ASTN1: variants seen among roughly 807,000 people sequenced by gnomAD.
The protein encoded by ASTN1 is astrotactin-1.
In ASTN1, 41 loss-of-function variants were observed where a neutral mutation model predicts 140.7. The observed-to-expected ratio is 0.29, with a 90% CI of 0.23 to 0.38. The LOEUF is 0.38. Among genes scored for constraint, ASTN1 ranks in the 10% least tolerant of loss-of-function variants. ASTN1 has a pLI of 1.00. For missense variants in ASTN1, 1,479 were observed against 1,678.8 expected, an observed-to-expected ratio of 0.88 and a Z score of 2.08; for synonymous variants, 640 against 652.2, an observed-to-expected ratio of 0.98 and a Z score of 0.29.
At chr1:176,912,196 T>C (rs1670272732) in intron 16 of ASTN1, among the ~76,000 whole-genome samples, 1 of 152,230 alleles carries the variant, frequency 6.6e-6, no homozygotes, top group Non-Finnish European at 1.5e-5. Context: ...CTACCATCTA[T>C]GGTGGAAGTC....
intron 20 of ASTN1, among the ~76,000 whole-genome samples, chr1:176,880,102 A>G (rs74332366): frequency 0.019 from 2,958 of 152,282 alleles, 94 homozygotes; most frequent in African/African-American, 0.067. Flanking sequence ...TAGTATATTT[A>G]CTGCTTTGTC....
rs533270307 is a variant in ASTN1, at chr1:176,978,219, G to A, written c.1524-12982C>T. Among the ~76,000 whole-genome samples, 55 of 152,204 alleles carry A rather than the reference G, an allele frequency of 3.6e-4. 2 individuals are homozygous for A. The South Asian group carries it at 0.011, about 31-fold the overall frequency. On this transcript the variant is annotated intron_variant, in intron 8 of 22. Coordinates refer to ENST00000361833, the MANE Select transcript of ASTN1 (RefSeq NM_004319.3). ...CTGAAATGTGGGATACACAGGGATG[G>A]AAAAAATAAATTAAAGCCATAACAT... is the stretch of plus-strand genomic sequence containing the variant.
At chr1:176,907,649 T>C (rs1216034039) in intron 16 of ASTN1, among the ~76,000 whole-genome samples, 4 of 152,208 alleles carry the variant, frequency 2.6e-5, no homozygotes, top group Non-Finnish European at 5.9e-5. Flanking sequence ...GTTCACCTTC[T>C]TGTCAAGAAG....
chr1:176,983,581 C>A (rs954374140), intron 8 of ASTN1, among the ~76,000 whole-genome samples: 2 of 152,126 alleles, frequency 1.3e-5, no homozygotes, highest in African/African-American at 4.8e-5. Context: ...ACTCACTTCC[C>A]TTATCTTTCC....
intron 16 of ASTN1, among the ~76,000 whole-genome samples, chr1:176,925,674 A>G (rs934589591): frequency 1.1e-4 from 16 of 152,044 alleles, no homozygotes; most frequent in African/African-American, 3.6e-4. Flanking sequence ...TTTACCTTAG[A>G]CCAGTTTCCT....
chr1:177,120,059 C>T (rs1011136519), intron 1 of ASTN1, among the ~76,000 whole-genome samples: 4 of 152,144 alleles, frequency 2.6e-5, no homozygotes, highest in Non-Finnish European at 5.9e-5. Flanking sequence ...TAATGTTTGG[C>T]TCATGTTTAT....
chr1:176,962,935 T>G (rs1672727590), intron 9 of ASTN1, among the ~76,000 whole-genome samples: 1 of 152,204 alleles, frequency 6.6e-6, no homozygotes, highest in South Asian at 2.1e-4. Context: ...TACCTTGAAA[T>G]AGTAGGTGTT....
intron 1 of ASTN1, among the ~76,000 whole-genome samples, chr1:177,155,416 CA>C (rs79152987): frequency 6.6e-6 from 1 of 152,018 alleles, no homozygotes; most frequent in Non-Finnish European, 1.5e-5. Context: ...CAGAATATGA[CA>C]AATACTAACT....
intron 8 of ASTN1, among the ~76,000 whole-genome samples, chr1:177,004,706 C>T (rs1301571762): frequency 1.3e-5 from 2 of 151,868 alleles, no homozygotes; most frequent in Non-Finnish European, 2.9e-5. Flanking sequence ...TGACAAAACA[C>T]ACAAAAACAA....
chr1:177,066,619 C>T (rs1678368420), intron 1 of ASTN1, among the ~76,000 whole-genome samples: 1 of 152,092 alleles, frequency 6.6e-6, no homozygotes, highest in Non-Finnish European at 1.5e-5. Flanking sequence ...GCTGGCAGTC[C>T]CTGAACTGAG....
In ASTN1 at chr1:177,164,524, G is replaced by A; in HGVS notation, c.153C>T (p.Asn51=). Residue 51 remains asparagine (N), a synonymous_variant, in exon 1 of 23, where the codon AAC becomes AAT. Transcript: ENST00000361833. ...TVSALPFLRE[N]DLSIMHSPSA... Reference sequence around the variant, plus strand: ...AGGGGCTGTGCATGATGCTCAGGTCGTTCTCGCGCAGGAAGGGCAGTGCCG... The same window carrying A: ...AGGGGCTGTGCATGATGCTCAGGTCATTCTCGCGCAGGAAGGGCAGTGCCG... The A allele has an allele frequency of 6.2e-7, 1 of 1,613,916 alleles. No homozygotes were observed. The highest frequency in any genetic ancestry group is 8.5e-7 in the Non-Finnish European group (1 of 1,179,932).
At chr1:176,964,519 G>A (rs768065552) in intron 9 of ASTN1, among the ~76,000 whole-genome samples, 2 of 152,162 alleles carry the variant, frequency 1.3e-5, no homozygotes, top group Non-Finnish European at 2.9e-5. Context: ...TATGATAATT[G>A]AATCCTTCCT....
chr1:177,139,019 G>T (rs1682332709), intron 1 of ASTN1, among the ~76,000 whole-genome samples: 1 of 152,208 alleles, frequency 6.6e-6, no homozygotes, highest in Non-Finnish European at 1.5e-5. Context: ...GGAAAAGAGA[G>T]TCCATTGAAA....
chr1:176,899,681 C>A lies in ASTN1; in HGVS notation c.2672-4851G>T, dbSNP rs571101732. 3.3e-5 allele frequency among the ~76,000 whole-genome samples: 5 copies of A among 152,198 alleles called. No individual in the cohort carries two copies. In the South Asian group the frequency reaches 1.0e-3, roughly 32 times the overall value. ...CAAAACCCTGCATTCCAGGATCTAC[C>A]CCAACCCCCACCCCAGTCTACTGCT... is the stretch of plus-strand genomic sequence containing the variant. On this transcript the variant is annotated intron_variant, in intron 16 of 22. Transcript: ENST00000361833.
chr1:177,018,632 TG>T, intron 7 of ASTN1, among the ~76,000 whole-genome samples: 1 of 152,188 alleles, frequency 6.6e-6, no homozygotes, highest in South Asian at 2.1e-4. Flanking sequence ...AAAAGGGCAA[TG>T]AGGGGTCTGT....
chr1:177,030,392 A>G (rs948183042), intron 4 of ASTN1, among the ~76,000 whole-genome samples: 3 of 152,322 alleles, frequency 2.0e-5, no homozygotes, highest in African/African-American at 7.2e-5. Context: ...TGGGTGGGCA[A>G]CTTTCCATAT....
At chr1:177,050,619 G>T (rs1410678780) in intron 2 of ASTN1, among the ~76,000 whole-genome samples, 1 of 152,146 alleles carries the variant, frequency 6.6e-6, no homozygotes, top group Non-Finnish European at 1.5e-5. Context: ...GAAGGCTACT[G>T]ACATCTGCCT....
intron 1 of ASTN1, among the ~76,000 whole-genome samples, chr1:177,106,909 T>C (rs537460728): frequency 1.1e-4 from 17 of 152,270 alleles, no homozygotes; most frequent in Non-Finnish European, 2.4e-4. Context: ...GGCAGAAATG[T>C]TGAGGCTTGG....
intron 8 of ASTN1, among the ~76,000 whole-genome samples, chr1:176,994,259 G>A (rs138315744): frequency 9.9e-5 from 15 of 152,190 alleles, no homozygotes; most frequent in Non-Finnish European, 1.9e-4. Context: ...ATCTCAAACA[G>A]TCTTCTTGTA....
Sources: gnomAD v4.1 joint callset for allele counts (sites outside exome capture counted in the v4.1 genomes callset) on GRCh38, gnomAD v4.1.1 for gene constraint, MANE v1.5 for transcripts, NCBI Gene and HGNC (gene_info 2026-07-23, HGNC 2026-07-21) for gene names.